The following UTP18 variants were observed in gnomAD, a reference collection of about 807,000 sequenced individuals.
The protein encoded by UTP18 is UTP18 small subunit processome component.
UTP18 carries 36 observed loss-of-function variants against 61.1 expected under a neutral mutation model. The ratio of observed to expected loss-of-function variants is 0.59; its 90% CI spans 0.45 to 0.78. UTP18 has a LOEUF of 0.78. Ranked by LOEUF, UTP18 falls within the 30% of genes least tolerant of loss-of-function variation. UTP18 has a pLI of 0.00. For synonymous variants in UTP18, 282 were observed against 251.1 expected, an observed-to-expected ratio of 1.12 and a Z score of -1.16; for missense variants, 753 against 693.9, an observed-to-expected ratio of 1.09 and a Z score of -0.96.
At chr17:51,288,276 A>G (rs1597853203) in intron 11 of UTP18, 73 bp downstream of exon 11, 17 of 1,372,686 alleles carry the variant, frequency 1.2e-5, no homozygotes, top group Non-Finnish European at 1.7e-5. Context: ...AGTAACAGGA[A>G]AGGAGAGCGT....
chr17:51,296,892 C>A, intron 12 of UTP18, 73 bp from the exon 13 acceptor site: 1 of 1,434,370 alleles, frequency 7.0e-7, no homozygotes, highest in South Asian at 1.3e-5. Flanking sequence ...CCTAAGTGCC[C>A]TTCTGTGATC....
intron 10 of UTP18, chr17:51,286,422 G>A (rs1388360798): frequency 1.8e-5 from 8 of 452,608 alleles, no homozygotes; most frequent in Non-Finnish European, 3.6e-5. Context: ...GGGAAGTCAA[G>A]GGGTCTTGTT....
At chr17:51,285,192 C>T in intron 9 of UTP18, 53 bp from the exon 10 acceptor site, 3 of 1,605,628 alleles carry the variant, frequency 1.9e-6, no homozygotes, top group Admixed American at 3.3e-5. Flanking sequence ...AGTTTACTTG[C>T]CTTTCAAGTT....
chr17:51,261,544 G>A (rs910760700), intron 1 of UTP18, among the ~76,000 whole-genome samples: 2 of 152,064 alleles, frequency 1.3e-5, no homozygotes, highest in African/African-American at 2.4e-5. Flanking sequence ...AGAGAGTCCC[G>A]GACATTGTTC....
At chr17:51,268,450 T>C (rs117234609) in intron 3 of UTP18, among the ~76,000 whole-genome samples, 4,512 of 152,336 alleles carry the variant, frequency 0.03, 87 homozygotes, top group Admixed American at 0.032. Flanking sequence ...AACAATCTGG[T>C]CAGTTTCTTT....
At chr17:51,293,357 G>A (rs1323580442) in intron 11 of UTP18, among the ~76,000 whole-genome samples, 1 of 152,184 alleles carries the variant, frequency 6.6e-6, no homozygotes, top group Non-Finnish European at 1.5e-5. Context: ...TGGAGACTTG[G>A]AAAGGTGGGA....
At chr17:51,275,827 C>T (rs1294273789) in intron 5 of UTP18, 39 bp from the exon 6 acceptor site, 1 of 1,511,568 alleles carries the variant, frequency 6.6e-7, no homozygotes, top group Non-Finnish European at 8.9e-7. Flanking sequence ...AATGTTTATT[C>T]ATTTCAATTG....
At chr17:51,282,748 A>C (rs540291767) in intron 9 of UTP18, among the ~76,000 whole-genome samples, 1 of 152,256 alleles carries the variant, frequency 6.6e-6, no homozygotes, top group East Asian at 1.9e-4. Flanking sequence ...ATAAGGTCCT[A>C]AGAAAGCAGG....
At chr17:51,262,987 T>C (rs975287173) in intron 1 of UTP18, among the ~76,000 whole-genome samples, 1 of 152,252 alleles carries the variant, frequency 6.6e-6, no homozygotes. Flanking sequence ...ATCTGCAGAC[T>C]CATCTTTTGT....
intron 10 of UTP18, among the ~76,000 whole-genome samples, chr17:51,286,121 G>A (rs1038053398): frequency 3.3e-5 from 5 of 152,152 alleles, no homozygotes; most frequent in African/African-American, 1.2e-4. Flanking sequence ...AATACCATTT[G>A]ATAGTATTGT....
chr17:51,273,657 G>A (rs1030239520), intron 5 of UTP18, among the ~76,000 whole-genome samples: 1 of 150,406 alleles, frequency 6.6e-6, no homozygotes, highest in African/African-American at 2.4e-5. Context: ...TATTGCTTGA[G>A]CTCAGGAGTT....
chr17:51,288,934 A>G (rs1203674993), intron 11 of UTP18, among the ~76,000 whole-genome samples: 1 of 152,174 alleles, frequency 6.6e-6, no homozygotes, highest in African/African-American at 2.4e-5. Context: ...TCTACCTGGG[A>G]AGCTCATTAG....
intron 7 of UTP18, among the ~76,000 whole-genome samples, chr17:51,277,590 G>A (rs559036928): frequency 6.6e-6 from 1 of 152,284 alleles, no homozygotes; most frequent in African/African-American, 2.4e-5. Context: ...AGTTGATGCA[G>A]CAGAAAAAGC....
At chr17:51,266,135 A>G in intron 2 of UTP18, 47 bp from the exon 3 acceptor site, 2 of 1,425,182 alleles carry the variant, frequency 1.4e-6, no homozygotes, top group Non-Finnish European at 1.9e-6. Flanking sequence ...AGCTATTTAT[A>G]TTAACTCTTT....
intron 1 of UTP18, among the ~76,000 whole-genome samples, chr17:51,261,414 A>G (rs970296342): frequency 6.6e-6 from 1 of 152,184 alleles, no homozygotes; most frequent in South Asian, 2.1e-4. Context: ...CATTTAGCAA[A>G]TATTGGTGAA....
intron 12 of UTP18, 128 bp from the exon 13 acceptor site, chr17:51,296,837 C>A: frequency 1.2e-6 from 1 of 829,922 alleles, no homozygotes; most frequent in South Asian, 1.8e-5. Context: ...ACCTAACTGC[C>A]TGGTGTGAAT....
At chr17:51,283,937 A>G (rs1339060010) in intron 9 of UTP18, among the ~76,000 whole-genome samples, 4 of 152,136 alleles carry the variant, frequency 2.6e-5, no homozygotes, top group Non-Finnish European at 5.9e-5. Flanking sequence ...CTTTTTTGCC[A>G]TAAGTCATCA....
intron 9 of UTP18, among the ~76,000 whole-genome samples, chr17:51,283,200 G>T (rs1449969943): frequency 1.4e-5 from 2 of 141,822 alleles, no homozygotes; most frequent in Non-Finnish European, 3.0e-5. Flanking sequence ...ACTGAGTCTT[G>T]TTGTGTTGCC....
rs779484174 is a variant in UTP18, at chr17:51,260,830, G to A, written c.246G>A (p.Glu82=). 4 of 1,597,194 alleles carry A rather than the reference G, an allele frequency of 2.5e-6. No individual in the cohort carries two copies. Among genetic ancestry groups the A allele is most frequent in the Non-Finnish European group, 2.6e-6 (3 of 1,172,834 alleles). ...AGCGGAACCGCCTGAGGCTGGAGGA[G>A]GACAAACCGGCCGTGGAGCGGTGCT... ...LRQRNRLRLE[E]DKPAVERCLE... The change falls in exon 1 of 14, where the codon GAG becomes GAA. Residue 82 remains glutamate, a synonymous_variant. Transcript: ENST00000225298.
Sources: gnomAD v4.1 joint callset for allele counts (sites outside exome capture counted in the v4.1 genomes callset) on GRCh38, gnomAD v4.1.1 for gene constraint, MANE v1.5 for transcripts, NCBI Gene and HGNC (gene_info 2026-07-23, HGNC 2026-07-21) for gene names.